GPN1: variants seen among roughly 807,000 people sequenced by gnomAD.
The protein encoded by GPN1 is GPN-loop GTPase 1.
A neutral mutation model predicts 55.9 loss-of-function variants in GPN1; 44 were observed. That is an observed-to-expected ratio of 0.79 (90% confidence interval 0.62 to 1.01). GPN1 has a LOEUF of 1.01. Ranked by LOEUF, GPN1 falls within the 50% of genes least tolerant of loss-of-function variation. GPN1 has a pLI of 0.00. For synonymous variants in GPN1, 179 were observed against 162.5 expected, an observed-to-expected ratio of 1.10 and a Z score of -0.77; for missense variants, 466 against 462.8, an observed-to-expected ratio of 1.01 and a Z score of -0.06.
Position 27,649,963 on chromosome 2 carries a change from G to T in GPN1, c.1040-152G>T, listed in dbSNP as rs1572968676. 32 of 533,946 alleles carry T rather than the reference G, an allele frequency of 6.0e-5. No individual in the cohort carries two copies. In the East Asian group the frequency reaches 1.0e-3, roughly 17 times the overall value. The allele number at this position is 533,946 out of a possible 1,614,324, so 33.1% of individuals were successfully genotyped here. A position where few individuals can be genotyped will look rare whatever the true frequency, so the allele number is the denominator to read the frequency against. ...AAACTACATTTTGGGCAGCATGATA[G>T]AGCATGCTTCTAGGAGACATTTCCT... On this transcript the variant is annotated intron_variant, in intron 13 of 13. Transcript: ENST00000610189.
intron 11 of GPN1, among the ~76,000 whole-genome samples, chr2:27,641,571 TAA>T (rs1188554573): frequency 6.6e-5 from 10 of 152,154 alleles, no homozygotes; most frequent in Non-Finnish European, 1.5e-4. Context: ...GAATTTTGTA[TAA>T]GAGTGTAGTG....
upstream of GPN1, chr2:27,628,896 C>T: frequency 1.4e-6 from 2 of 1,475,802 alleles, no homozygotes; most frequent in South Asian, 1.4e-5. Flanking sequence ...CTAGTTGACT[C>T]ATCAGCCCTG....
intron 9 of GPN1, among the ~76,000 whole-genome samples, chr2:27,639,691 T>C (rs1401136301): frequency 6.6e-6 from 1 of 152,050 alleles, no homozygotes; most frequent in Non-Finnish European, 1.5e-5. Context: ...ACCCAGCTAA[T>C]TTTTTATATT....
chr2:27,639,035 A>G lies in GPN1; in HGVS notation c.717+4A>G, dbSNP rs759688810. ...TGAGTTTTACAGCTCACTCAGGGTA[A>G]ATTTTCTCTCCTGCTCACACTGACA... On this transcript the variant is annotated splice_donor_region_variant and intron_variant, in intron 9 of 13. Coordinates refer to ENST00000610189, the MANE Select transcript of GPN1 (RefSeq NM_007266.4). The G allele has an allele frequency of 9.4e-6, 15 of 1,603,942 alleles. No individual in the cohort carries two copies. The South Asian group carries it at 1.4e-4, about 15-fold the overall frequency.
chr2:27,631,741 T>C (rs1439078558), intron 3 of GPN1, 93 bp from the exon 4 acceptor site: 7 of 804,514 alleles, frequency 8.7e-6, no homozygotes, highest in Non-Finnish European at 1.6e-5. Context: ...AATGGAACAC[T>C]AATTTCATAA....
rs771349421 is a variant in GPN1, at chr2:27,629,904, A to G, written c.157A>G (p.Ile53Val). 2 of 1,610,316 alleles carry G rather than the reference A, an allele frequency of 1.2e-6. No individual in the cohort carries two copies. The highest frequency in any genetic ancestry group is 1.3e-5 in the African/African-American group (1 of 74,850). ...LHAQGTPPYV[I>V]NLDPAVHEVP... ...TGCCCAAGGCACTCCACCGTATGTGATCAACCTGGATCCAGCAGTACATGA... is the reference window on the plus strand; with the variant it reads ...TGCCCAAGGCACTCCACCGTATGTGGTCAACCTGGATCCAGCAGTACATGA... Residue 53 changes from isoleucine (I) to valine (V), a missense_variant, in exon 2 of 14, where the codon ATC (isoleucine) becomes GTC (valine). Coordinates refer to ENST00000610189, the MANE Select transcript of GPN1 (RefSeq NM_007266.4).
chr2:27,629,472 A>G, intron 1 of GPN1: 1 of 1,353,054 alleles, frequency 7.4e-7, no homozygotes, highest in East Asian at 2.5e-5. Flanking sequence ...AAAGATTAAT[A>G]CAGTGCTAGC....
rs1673567230 is a variant in GPN1 at position 27,631,876 on chromosome 2, T to C, written c.288T>C (p.Asn96=). Residue 96 remains asparagine, a synonymous_variant, in exon 4 of 14, where the codon AAT becomes AAC. Coordinates refer to ENST00000610189, the MANE Select transcript of GPN1 (RefSeq NM_007266.4). ...ATGGCGGCATAGTGACCTCACTCAATCTCTTTGCTACCAGATTTGATCAGG... is the reference window on the plus strand; with the variant it reads ...ATGGCGGCATAGTGACCTCACTCAACCTCTTTGCTACCAGATTTGATCAGG... ...GPNGGIVTSL[N]LFATRFDQVM... 1 of 1,598,234 alleles carries C rather than the reference T, an allele frequency of 6.3e-7. No individual in the cohort carries two copies. Among genetic ancestry groups the C allele is most frequent in the Non-Finnish European group, 8.6e-7 (1 of 1,165,658 alleles).
chr2:27,636,718 GC>G (rs1352698528), intron 7 of GPN1, among the ~76,000 whole-genome samples: 1 of 152,106 alleles, frequency 6.6e-6, no homozygotes, highest in Non-Finnish European at 1.5e-5. Context: ...CAAGTGATCT[GC>G]CCGCCTTGGC....
chr2:27,647,402 A>G (rs190024796), intron 12 of GPN1, among the ~76,000 whole-genome samples: 1 of 152,112 alleles, frequency 6.6e-6, no homozygotes, highest in African/African-American at 2.4e-5. Flanking sequence ...TTCACCCTGT[A>G]TTTTCTGCAG....
At chr2:27,647,567 T>C (rs767216984) in intron 12 of GPN1, among the ~76,000 whole-genome samples, 37 of 152,190 alleles carry the variant, frequency 2.4e-4, no homozygotes, top group Non-Finnish European at 4.6e-4. Context: ...AAAAGAATGA[T>C]GCTACTAGTA....
In GPN1 at chr2:27,629,131, T is replaced by C. The variant is rs772531949; in HGVS notation, c.73T>C (p.Leu25=). 57 of 1,614,134 alleles carry C rather than the reference T, an allele frequency of 3.5e-5. No individual in the cohort carries two copies. Among genetic ancestry groups the C allele is most frequent in the Non-Finnish European group, 4.4e-5 (52 of 1,180,014 alleles). The change falls in exon 1 of 14, where the codon TTG becomes CTG. Residue 25 remains leucine, a synonymous_variant. Transcript: ENST00000610189. ...GPRHPVCLLV[L]GMAGSGKTTF... is the part of the protein sequence containing the mutation. ...GCGGCACCCAGTGTGTCTGTTGGTG[T>C]TGGGAATGGCGGGATCCGGGAAAAC...
chr2:27,629,817 C>G, intron 1 of GPN1, 42 bp from the exon 2 acceptor site: 1 of 1,040,826 alleles, frequency 9.6e-7, no homozygotes, highest in Non-Finnish European at 1.5e-6. Flanking sequence ...CTCTCTTGTC[C>G]CCTCTTTGTC....
intron 13 of GPN1, among the ~76,000 whole-genome samples, chr2:27,649,253 A>C (rs1200759200): frequency 6.8e-6 from 1 of 147,338 alleles, no homozygotes; most frequent in East Asian, 2.0e-4. Flanking sequence ...CTCAAAAAAC[A>C]AACAAACAAA....
At chr2:27,632,792 T>TG (rs1673601606) in intron 5 of GPN1, 122 bp downstream of exon 5, 4 of 681,476 alleles carry the variant, frequency 5.9e-6, no homozygotes, top group African/African-American at 1.8e-5. Context: ...CCATTAGGAG[T>TG]GAAAAAAAAA....
In GPN1 at chr2:27,641,285, A is replaced by G. The variant is rs1673938276; in HGVS notation, c.840+6A>G. 6.3e-7 allele frequency: 1 copy of G among 1,596,722 alleles called. No homozygotes were observed. The highest frequency in any genetic ancestry group is 8.6e-7 in the Non-Finnish European group (1 of 1,164,404). On this transcript the variant is annotated splice_donor_region_variant and intron_variant, in intron 11 of 13. Coordinates refer to ENST00000610189, the MANE Select transcript of GPN1 (RefSeq NM_007266.4). Reference sequence around the variant, plus strand: ...AACGTCTGAAAAAATCACTGGTAAGAAGGGAGGCTGTTTGTATATTTTAAA... The same window carrying G: ...AACGTCTGAAAAAATCACTGGTAAGGAGGGAGGCTGTTTGTATATTTTAAA...
chr2:27,647,757 A>C, intron 12 of GPN1, 79 bp from the exon 13 acceptor site: 1 of 809,194 alleles, frequency 1.2e-6, no homozygotes, highest in Non-Finnish European at 2.1e-6. Flanking sequence ...TCATCCTGCC[A>C]GTTTATGATC....
At chr2:27,629,285 G>A in intron 1 of GPN1, 116 bp downstream of exon 1, 1 of 1,461,860 alleles carries the variant, frequency 6.8e-7, no homozygotes, top group African/African-American at 1.4e-5. Flanking sequence ...ATGGCTTTCG[G>A]GGGCTTCCCA....
intron 7 of GPN1, among the ~76,000 whole-genome samples, chr2:27,637,336 T>G (rs1673769447): frequency 6.6e-6 from 1 of 150,748 alleles, no homozygotes; most frequent in African/African-American, 2.4e-5. Flanking sequence ...AGTCTAAGAG[T>G]AGGGGTTGGG....
Sources: gnomAD v4.1 joint callset for allele counts (sites outside exome capture counted in the v4.1 genomes callset) on GRCh38, gnomAD v4.1.1 for gene constraint, MANE v1.5 for transcripts, NCBI Gene and HGNC (gene_info 2026-07-23, HGNC 2026-07-21) for gene names.